Variants in SERPINB8 observed in about 807,000 individuals in gnomAD.
SERPINB8 encodes the protein serpin family B member 8, also known as serpin B8.
SERPINB8 carries 25 observed loss-of-function variants against 35.3 expected under a neutral mutation model. That is an observed-to-expected ratio of 0.71 (90% CI 0.52 to 0.99). SERPINB8 has a LOEUF of 0.99. SERPINB8 is among the 50% of genes least tolerant of loss of function. The pLI, the probability that SERPINB8 is intolerant of heterozygous loss-of-function variation, is 0.00. For missense variants in SERPINB8, 484 were observed against 446.5 expected, an observed-to-expected ratio of 1.08 and a Z score of -0.76; for synonymous variants, 186 against 160.8, an observed-to-expected ratio of 1.16 and a Z score of -1.19.
At chr18:63,981,307 G>A (rs1277522469) in intron 3 of SERPINB8, among the ~76,000 whole-genome samples, 4 of 152,144 alleles carry the variant, frequency 2.6e-5, no homozygotes, top group Non-Finnish European at 5.9e-5. Context: ...CCCTTATAAA[G>A]CCTCTCGTTT....
rs566268849 is a variant in SERPINB8, at chr18:63,999,629, C to T, written c.71-5190C>T. Among the ~76,000 whole-genome samples, 105 of 152,192 alleles carry T rather than the reference C, an allele frequency of 6.9e-4. 1 individual carries two copies. The highest frequency in any genetic ancestry group is 1.2e-3 in the Non-Finnish European group (82 of 68,042). ...TTGAACCTTATGGTAGTCAATGACTCTTACACTCCCAACCCGATGTATACC... is the reference window on the plus strand; with the variant it reads ...TTGAACCTTATGGTAGTCAATGACTTTTACACTCCCAACCCGATGTATACC... On this transcript the variant is annotated intron_variant, in intron 1 of 1. Coordinates refer to the SERPINB8 transcript ENST00000493661.
At chr18:64,003,984 T>C (rs1363879354) in intron 1 of SERPINB8, among the ~76,000 whole-genome samples, 1 of 152,226 alleles carries the variant, frequency 6.6e-6, no homozygotes, top group East Asian at 1.9e-4. Context: ...CATTGCACAT[T>C]TTAAAATTAC....
rs2050777966 is a variant in SERPINB8, at chr18:63,987,376, A to G, written c.*98A>G. The G allele has an allele frequency of 1.1e-5, 14 of 1,252,020 alleles. No homozygotes were observed. Among genetic ancestry groups the G allele is most frequent in the African/African-American group, 1.0e-4 (7 of 66,816 alleles). 77.6% of individuals were successfully genotyped at this position (1,252,020 alleles called of 1,614,324 possible). On this transcript the variant is annotated 3_prime_UTR_variant, in exon 7 of 7. Coordinates refer to ENST00000397985, the MANE Select transcript of SERPINB8 (RefSeq NM_002640.4). The stretch of plus-strand genomic sequence containing the variant: ...AGTTGGTGCAGTGGCTTGAATGCCA[A>G]AATAAAGCGTGTGCACTGGATAGTG...
At chr18:63,983,221 A>C (rs768998747) in intron 4 of SERPINB8, among the ~76,000 whole-genome samples, 20 of 152,214 alleles carry the variant, frequency 1.3e-4, no homozygotes, top group Non-Finnish European at 2.5e-4. Context: ...GATAGTGCCA[A>C]GGTTGACTGC....
intron 3 of SERPINB8, among the ~76,000 whole-genome samples, chr18:63,980,654 G>C (rs766713397): frequency 1.4e-4 from 22 of 152,176 alleles, no homozygotes; most frequent in Non-Finnish European, 2.9e-4. Context: ...TACCTCAGAA[G>C]GTGACTCTGG....
At chr18:64,012,590 T>TGC (rs112337860) in intron 7 of SERPINB8, among the ~76,000 whole-genome samples, 72,211 of 151,214 alleles carry the variant, frequency 0.48, 18,000 homozygotes, top group East Asian at 0.68. Context: ...TGTGTGTGTG[T>TGC]GCGTGTGTGT....
At position 64,016,508 on chromosome 18, in the gene SERPINB8, T is replaced by C. The variant is rs144908118; in HGVS notation, c.*3-2402T>C. ...GAAAAATCAACATGGGAGGAAGAGA[T>C]AAACTTTTTTATTCTAAGGGAAGTC... On this transcript the variant is annotated intron_variant, in intron 7 of 7. Coordinates refer to the SERPINB8 transcript ENST00000636430. Among the ~76,000 whole-genome samples, 241 of 152,310 alleles carry C rather than the reference T, an allele frequency of 1.6e-3. 1 individual carries two copies. The highest frequency in any genetic ancestry group is 5.7e-3 in the African/African-American group (237 of 41,570).
intron 6 of SERPINB8, chr18:63,986,514 C>T: frequency 7.4e-7 from 1 of 1,349,168 alleles, no homozygotes; most frequent in Admixed American, 3.6e-5. Flanking sequence ...CAAACAATCT[C>T]TCCCACTCAC....
downstream of SERPINB8, among the ~76,000 whole-genome samples, chr18:64,006,333 C>T (rs371145501): frequency 1.3e-5 from 2 of 152,176 alleles, no homozygotes; most frequent in African/African-American, 4.8e-5. Context: ...TATGTTGAAG[C>T]TCTAACCCCC....
chr18:63,979,901 A>G lies in SERPINB8; in HGVS notation c.269A>G (p.Asn90Ser). 1 of 1,614,156 alleles carries G rather than the reference A, an allele frequency of 6.2e-7. No homozygotes were observed. The highest frequency in any genetic ancestry group is 8.5e-7 in the Non-Finnish European group (1 of 1,179,998). ...TGTQYLLRTANRLFGEKTCDF... is the reference protein window; with the variant it reads ...TGTQYLLRTASRLFGEKTCDF... ...ACTCAGTACTTGCTTAGAACTGCCA[A>G]CAGACTCTTTGGAGAAAAGACGTGT... Residue 90 changes from asparagine (N) to serine (S), a missense_variant, in exon 3 of 7, where the codon AAC becomes AGC. Asn to Ser is a conservative substitution (Grantham distance 46). Transcript: ENST00000397985.
intron 6 of SERPINB8, chr18:63,986,171 C>A: frequency 3.3e-6 from 4 of 1,200,630 alleles, no homozygotes; most frequent in Non-Finnish European, 4.9e-6. Flanking sequence ...AGAGGAGTAC[C>A]CACCTGGGCT....
chr18:63,978,935 T>C (rs1009163179), intron 2 of SERPINB8, among the ~76,000 whole-genome samples: 2 of 152,244 alleles, frequency 1.3e-5, no homozygotes, highest in African/African-American at 4.8e-5. Flanking sequence ...TGTGGACTTA[T>C]ATCTTCTGGA....
downstream of SERPINB8, among the ~76,000 whole-genome samples, chr18:63,989,590 T>A (rs2050809809): frequency 6.6e-6 from 1 of 152,206 alleles, no homozygotes; most frequent in African/African-American, 2.4e-5. Flanking sequence ...GTTGTTACTT[T>A]CAGCGTGTAC....
In SERPINB8 at chr18:63,975,234, C is replaced by T. The variant is rs372413599; in HGVS notation, c.-10-3065C>T. Among the ~76,000 whole-genome samples the T allele has an allele frequency of 9.2e-5, 14 of 152,102 alleles. 1 individual carries two copies. Among genetic ancestry groups the T allele is most frequent in the Admixed American group, 8.5e-4 (13 of 15,270 alleles). ...AATTTATTTGTGTCTCTGTCTTACC[C>T]AGTTTACCCAATTCTCTCCATCTTT... On this transcript the variant is annotated intron_variant, in intron 1 of 6. Transcript: ENST00000397985.
intron 7 of SERPINB8, among the ~76,000 whole-genome samples, chr18:64,013,395 A>T (rs951805671): frequency 6.6e-6 from 1 of 152,158 alleles, no homozygotes; most frequent in African/African-American, 2.4e-5. Flanking sequence ...TCCAGCTACC[A>T]TGGAATACCC....
intron 7 of SERPINB8, among the ~76,000 whole-genome samples, chr18:64,014,300 A>G (rs531962605): frequency 6.6e-6 from 1 of 152,324 alleles, no homozygotes; most frequent in South Asian, 2.1e-4. Flanking sequence ...AGGATTTGGG[A>G]TAAGCAAAGG....
chr18:64,004,617 T>A (rs2050891317), intron 1 of SERPINB8, among the ~76,000 whole-genome samples: 1 of 152,230 alleles, frequency 6.6e-6, no homozygotes, highest in Admixed American at 6.5e-5. Context: ...AAGTATATTT[T>A]AATATTTCAG....
Position 63,987,389 on chromosome 18 carries a change from G to A in SERPINB8, c.*111G>A, listed in dbSNP as rs2050778287. ...GCTTGAATGCCAAAATAAAGCGTGTGCACTGGATAGTGTGTGAAAGTCTTT... is the reference window on the plus strand; with the variant it reads ...GCTTGAATGCCAAAATAAAGCGTGTACACTGGATAGTGTGTGAAAGTCTTT... On this transcript the variant is annotated 3_prime_UTR_variant, in exon 7 of 7. Transcript: ENST00000397985. The A allele has an allele frequency of 3.6e-6, 4 of 1,097,408 alleles. No individual in the cohort carries two copies. In the South Asian group the frequency reaches 6.1e-5, roughly 17 times the overall value. The allele number at this position is 1,097,408 out of a possible 1,614,324, so 68.0% of individuals were successfully genotyped here.
intron 3 of SERPINB8, among the ~76,000 whole-genome samples, 160 bp downstream of exon 3, chr18:63,980,098 T>C (rs1402485534): frequency 1.3e-5 from 2 of 152,200 alleles, no homozygotes; most frequent in Non-Finnish European, 2.9e-5. Context: ...ATTACGTCCT[T>C]TGTAAATTGT....
Sources: gnomAD v4.1 joint callset for allele counts (sites outside exome capture counted in the v4.1 genomes callset) on GRCh38, gnomAD v4.1.1 for gene constraint, MANE v1.5 for transcripts, NCBI Gene and HGNC (gene_info 2026-07-23, HGNC 2026-07-21) for gene names.